RERE: variants seen among roughly 807,000 people sequenced by gnomAD.
The protein encoded by RERE is arginine-glutamic acid dipeptide repeats.
A neutral mutation model predicts 146.1 loss-of-function variants in RERE; 40 were observed. That is an observed-to-expected ratio of 0.27 (90% confidence interval 0.21 to 0.36). The LOEUF is 0.36. Among genes scored for constraint, RERE ranks in the 10% least tolerant of loss-of-function variants. RERE has a pLI of 1.00. For missense variants in RERE, 1,933 were observed against 2,138.7 expected (o/e 0.90, Z 1.90); for synonymous variants, 1,003 against 866.0 (o/e 1.16, Z -2.78).
intron 6 of RERE, among the ~76,000 whole-genome samples, chr1:8,545,226 A>G (rs1425733851): frequency 6.6e-6 from 1 of 152,230 alleles, no homozygotes; most frequent in Non-Finnish European, 1.5e-5. Context: ...GTTAACAGAA[A>G]TATGACTAAA....
chr1:8,466,698 GT>G (rs34761714), intron 10 of RERE, among the ~76,000 whole-genome samples: 1 of 152,218 alleles, frequency 6.6e-6, no homozygotes, highest in Non-Finnish European at 1.5e-5. Flanking sequence ...TAGTATGCTA[GT>G]TTTTCAGTAC....
At chr1:8,593,551 G>A (rs1646520391) in intron 4 of RERE, among the ~76,000 whole-genome samples, 1 of 152,182 alleles carries the variant, frequency 6.6e-6, no homozygotes, top group African/African-American at 2.4e-5. Context: ...GTGCAACTGT[G>A]AGCCAATTAA....
chr1:8,781,370 C>T (rs11586759), intron 1 of RERE, among the ~76,000 whole-genome samples: 2 of 146,180 alleles, frequency 1.4e-5, no homozygotes, highest in African/African-American at 5.0e-5. Flanking sequence ...AAAAAAAAAA[C>T]AACTTTTTTT....
chr1:8,443,467 A>AG (rs1553167395), intron 11 of RERE, among the ~76,000 whole-genome samples: 1 of 148,990 alleles, frequency 6.7e-6, no homozygotes, highest in Non-Finnish European at 1.5e-5. Context: ...AAGAAAAAAA[A>AG]AAAAAAAAAA....
chr1:8,771,926 A>AG (rs1050230471), intron 1 of RERE, among the ~76,000 whole-genome samples: 4 of 151,584 alleles, frequency 2.6e-5, no homozygotes, highest in Admixed American at 1.3e-4. Flanking sequence ...AAAAAAAAAA[A>AG]AAAGAAAGAA....
At chr1:8,698,392 G>C (rs1417461847) in intron 1 of RERE, among the ~76,000 whole-genome samples, 1 of 152,228 alleles carries the variant, frequency 6.6e-6, no homozygotes, top group Non-Finnish European at 1.5e-5. Flanking sequence ...ATTATTGGTA[G>C]ATAATGTGGT....
chr1:8,717,798 A>G (rs897588322), intron 1 of RERE, among the ~76,000 whole-genome samples: 1 of 152,214 alleles, frequency 6.6e-6, no homozygotes, highest in African/African-American at 2.4e-5. Flanking sequence ...AAAGTGATCA[A>G]AAGAGTCCAA....
In RERE at chr1:8,696,032, T is replaced by C. The variant is rs1386726188; in HGVS notation, c.-144-39591A>G. On this transcript the variant is annotated intron_variant, in intron 1 of 22. Transcript: ENST00000400908. The stretch of plus-strand genomic sequence containing the variant: ...TGCAAATCAAAACCACAATGAAATA[T>C]CGTCTCACGCCAGTCAGAATGGCTA... Among the ~76,000 whole-genome samples the C allele has an allele frequency of 3.9e-5, 6 of 151,950 alleles. No individual in the cohort carries two copies. In the East Asian group the frequency reaches 5.8e-4, roughly 15 times the overall value.
At chr1:8,614,804 A>C in intron 3 of RERE, 118 bp from the exon 4 acceptor site, 1 of 1,117,390 alleles carries the variant, frequency 8.9e-7, no homozygotes, top group Non-Finnish European at 1.3e-6. Flanking sequence ...TGACCTCTGA[A>C]ACCTCAGATA....
At chr1:8,435,634 T>A (rs1398519889) in intron 11 of RERE, among the ~76,000 whole-genome samples, 2 of 152,168 alleles carry the variant, frequency 1.3e-5, no homozygotes, top group African/African-American at 2.4e-5. Context: ...CACACCTGCA[T>A]GCCAAAAACC....
intron 1 of RERE, among the ~76,000 whole-genome samples, chr1:8,807,637 A>T (rs1038571547): frequency 6.6e-6 from 1 of 152,206 alleles, no homozygotes; most frequent in Non-Finnish European, 1.5e-5. Flanking sequence ...CCCTGTGTAC[A>T]ACTATGAAGA....
At chr1:8,436,437 G>T (rs2124487766) in intron 11 of RERE, among the ~76,000 whole-genome samples, 1 of 152,302 alleles carries the variant, frequency 6.6e-6, no homozygotes, top group East Asian at 1.9e-4. Flanking sequence ...AAATGCCCCT[G>T]TAAAGTGGCT....
At chr1:8,374,073 G>A (rs964077861) in intron 12 of RERE, among the ~76,000 whole-genome samples, 6 of 152,206 alleles carry the variant, frequency 3.9e-5, no homozygotes, top group African/African-American at 1.2e-4. Flanking sequence ...GAAGGCACAC[G>A]CAGAGAAGTG....
intron 12 of RERE, among the ~76,000 whole-genome samples, chr1:8,370,684 T>A (rs1642004100): frequency 6.6e-6 from 1 of 152,110 alleles, no homozygotes; most frequent in South Asian, 2.1e-4. Context: ...AAAGAACATG[T>A]CGGGGAAAGC....
At chr1:8,574,403 G>C (rs1646263573) in intron 4 of RERE, among the ~76,000 whole-genome samples, 1 of 132,326 alleles carries the variant, frequency 7.6e-6, no homozygotes. Context: ...GGAGTGCAGT[G>C]GCACGATCTC....
chr1:8,594,909 A>G (rs1158422754), intron 4 of RERE, among the ~76,000 whole-genome samples: 1 of 152,128 alleles, frequency 6.6e-6, no homozygotes, highest in Non-Finnish European at 1.5e-5. Context: ...TGTTAATCCC[A>G]GTGCCTTGGG....
intron 2 of RERE, among the ~76,000 whole-genome samples, chr1:8,638,718 T>C (rs1647133212): frequency 6.6e-6 from 1 of 152,142 alleles, no homozygotes; most frequent in Non-Finnish European, 1.5e-5. Context: ...ATTTTATTCC[T>C]TGAAAATGTA....
intron 4 of RERE, among the ~76,000 whole-genome samples, chr1:8,575,480 C>CA (rs1646280092): frequency 6.8e-6 from 1 of 147,532 alleles, no homozygotes; most frequent in Non-Finnish European, 1.5e-5. Context: ...ATCCCACTCT[C>CA]AGACTCCCAA....
intron 2 of RERE, among the ~76,000 whole-genome samples, chr1:8,651,441 CCTTTACAACATT>C (rs1647627946): frequency 6.6e-6 from 1 of 152,034 alleles, no homozygotes; most frequent in Admixed American, 6.6e-5. Context: ...TTGAAGATAT[CCTTTACAACATT>C]CTCCACAGAT....
Sources: allele counts gnomAD v4.1 joint callset (sites outside exome capture counted in the v4.1 genomes callset), GRCh38; gene constraint gnomAD v4.1.1; transcripts MANE v1.5; gene names NCBI Gene and HGNC (gene_info 2026-07-23, HGNC 2026-07-21).